The following TLCD3A variants were observed in gnomAD, a reference collection of about 807,000 sequenced individuals.
TLCD3A encodes the protein TLC domain-containing protein 3A.
Under a neutral mutation model 29.9 loss-of-function variants are expected in TLCD3A, and 17 were observed. The ratio of observed to expected loss-of-function variants is 0.57; its 90% CI spans 0.39 to 0.85. The LOEUF (loss-of-function observed/expected upper bound fraction) is 0.85, where lower values mean the gene tolerates loss of function less well. Among genes scored for constraint, TLCD3A ranks in the 40% least tolerant of loss-of-function variants. The pLI is 0.00. For synonymous variants in TLCD3A, 143 were observed against 147.7 expected (o/e 0.97, Z 0.23); for missense variants, 332 against 350.8 (o/e 0.95, Z 0.43).
chr17:741,490 C>A lies in TLCD3A; in HGVS notation c.694C>A (p.Pro232Thr). ...CGTGGCCAATGCCTTCCTCGTAGCT[C>A]CTCAGATCTACTGGTTCTGTCTGCT... ...CNVANAFLVA[P>T]QIYWFCLLCR... Residue 232 changes from proline to threonine, a missense_variant, in exon 5 of 5, where the codon CCT (proline) becomes ACT (threonine). Physicochemically the swap from Pro to Thr is conservative, Grantham distance 38. Transcript: ENST00000308278. The A allele has an allele frequency of 6.2e-7, 1 of 1,614,160 alleles. No individual in the cohort carries two copies. The highest frequency in any genetic ancestry group is 1.3e-5 in the African/African-American group (1 of 75,028).
rs567279293 is a variant in TLCD3A, at chr17:733,683, A to T, written c.206+502A>T. On this transcript the variant is annotated intron_variant, in intron 2 of 4. Transcript: ENST00000308278. Reference sequence around the variant, plus strand: ...CGGACTTGTACGTCTATCAGAGGTCAGTCCAGAGGCAGGTCAGGAAATGTG... The same window carrying T: ...CGGACTTGTACGTCTATCAGAGGTCTGTCCAGAGGCAGGTCAGGAAATGTG... Among the ~76,000 whole-genome samples the T allele has an allele frequency of 1.8e-4, 28 of 152,360 alleles. No individual in the cohort carries two copies. The South Asian group carries it at 5.8e-3, about 32-fold the overall frequency.
intron 3 of TLCD3A, among the ~76,000 whole-genome samples, chr17:740,276 C>G (rs1974227504): frequency 6.6e-6 from 1 of 152,146 alleles, no homozygotes; most frequent in African/African-American, 2.4e-5. Flanking sequence ...CATCAAAATT[C>G]AGAGCTTGGT....
Position 732,705 on chromosome 17 carries a change from A to C in TLCD3A, c.58A>C (p.Thr20Pro). The C allele has an allele frequency of 7.0e-7, 1 of 1,437,018 alleles. No homozygotes were observed. Among genetic ancestry groups the C allele is most frequent in the Non-Finnish European group, 9.1e-7 (1 of 1,095,674 alleles). The allele number at this position is 1,437,018 out of a possible 1,614,324, so 89.0% of individuals were successfully genotyped here. ...LFFPGLFALC[T>P]WALRRSQPGW... Reference sequence around the variant, plus strand: ...CTTCCCGGGGCTCTTCGCGCTCTGCACCTGGGCGCTGCGCCGCTCCCAGCC... The same window carrying C: ...CTTCCCGGGGCTCTTCGCGCTCTGCCCCTGGGCGCTGCGCCGCTCCCAGCC... Residue 20 changes from threonine (T) to proline (P), a missense_variant, in exon 1 of 5, where the codon ACC becomes CCC. Coordinates refer to ENST00000308278, the MANE Select transcript of TLCD3A (RefSeq NM_024792.3).
rs138018963 is a variant in TLCD3A at position 733,136 on chromosome 17, C to T, written c.161C>T (p.Ser54Leu). Residue 54 changes from serine (S) to leucine (L), a missense_variant, in exon 2 of 5, where the codon TCG (serine) becomes TTG (leucine). Ser to Leu is a moderately radical substitution (Grantham distance 145, BLOSUM62 -2). Coordinates refer to ENST00000308278, the MANE Select transcript of TLCD3A (RefSeq NM_024792.3). ...GTGCACGCCGTGCTGGCCACCGGCT[C>T]GGGGATCGTCATCATTCGCTCCTGC... ...SSVHAVLATG[S>L]GIVIIRSCDD... 5 of 1,588,926 alleles carry T rather than the reference C, an allele frequency of 3.1e-6. No individual in the cohort carries two copies. Among genetic ancestry groups the T allele is most frequent in the Non-Finnish European group, 3.4e-6 (4 of 1,169,266 alleles).
chr17:733,527 C>T (rs1328277931), intron 2 of TLCD3A, among the ~76,000 whole-genome samples: 3 of 152,176 alleles, frequency 2.0e-5, no homozygotes, highest in Non-Finnish European at 4.4e-5. Flanking sequence ...GGCTAACAGA[C>T]GTCCAGTGTG....
intron 3 of TLCD3A, among the ~76,000 whole-genome samples, chr17:739,144 C>G (rs1974209267): frequency 6.6e-6 from 1 of 151,674 alleles, no homozygotes; most frequent in Non-Finnish European, 1.5e-5. Flanking sequence ...ATTCCTCACT[C>G]TTGAGTGCCT....
rs1484422141 is a variant in TLCD3A, at chr17:732,968, G to T, written c.123-130G>T. The T allele has an allele frequency of 1.4e-6, 2 of 1,398,292 alleles. 1 individual carries two copies. Among genetic ancestry groups the T allele is most frequent in the Admixed American group, 4.4e-5 (2 of 45,862 alleles). 86.6% of individuals were successfully genotyped at this position (1,398,292 alleles called of 1,614,324 possible). A position where few individuals can be genotyped will look rare whatever the true frequency, so the allele number is the denominator to read the frequency against. ...GGGGCCGGGGCGGGCGGGAATGGCC[G>T]ATGAGCCTCCGGAGCCCGCTCCCCA... is the stretch of plus-strand genomic sequence containing the variant. On this transcript the variant is annotated intron_variant, in intron 1 of 4. Transcript: ENST00000308278.
In TLCD3A at chr17:737,956, C is replaced by G; in HGVS notation, c.317C>G (p.Pro106Arg). 1 of 1,614,076 alleles carries G rather than the reference C, an allele frequency of 6.2e-7. No homozygotes were observed. Among genetic ancestry groups the G allele is most frequent in the Middle Eastern group, 1.6e-4 (1 of 6,062 alleles). ...WCRTRDQNRA[P>R]SLTLRNFLSR... ...CGAACCAGAGACCAGAACCGTGCGC[C>G]CTCCCTCACTCTTCGAAACTTCCTA... Residue 106 changes from proline to arginine, a missense_variant, in exon 3 of 5, where the codon CCC (proline) becomes CGC (arginine). By Grantham distance (103) the Pro-to-Arg change is moderately radical. Coordinates refer to ENST00000308278, the MANE Select transcript of TLCD3A (RefSeq NM_024792.3).
Position 732,687 on chromosome 17 carries a change from G to A in TLCD3A, c.40G>A (p.Gly14Arg), listed in dbSNP as rs766066419. 3.0e-5 allele frequency: 43 copies of A among 1,423,018 alleles called. No individual in the cohort carries two copies. In the Middle Eastern group the frequency reaches 7.5e-4, roughly 25 times the overall value. 88.1% of individuals were successfully genotyped at this position (1,423,018 alleles called of 1,614,324 possible). Residue 14 changes from glycine to arginine, a missense_variant, in exon 1 of 5, where the codon GGG becomes AGG. Gly to Arg is a moderately radical substitution (Grantham distance 125). Transcript: ENST00000308278. ...TLAGGALFFP[G>R]LFALCTWALR... is the part of the protein sequence containing the mutation. Reference sequence around the variant, plus strand: ...GGCCGGGGGCGCGCTCTTCTTCCCGGGGCTCTTCGCGCTCTGCACCTGGGC... The same window carrying A: ...GGCCGGGGGCGCGCTCTTCTTCCCGAGGCTCTTCGCGCTCTGCACCTGGGC...
At chr17:739,409 A>G (rs979674636) in intron 3 of TLCD3A, among the ~76,000 whole-genome samples, 1 of 152,098 alleles carries the variant, frequency 6.6e-6, no homozygotes, top group Non-Finnish European at 1.5e-5. Flanking sequence ...GGCTGATTTC[A>G]AACTCCTGAC....
intron 3 of TLCD3A, among the ~76,000 whole-genome samples, chr17:739,628 G>A (rs551818285): frequency 3.9e-5 from 6 of 152,336 alleles, no homozygotes; most frequent in African/African-American, 7.2e-5. Flanking sequence ...GTGAGCCACC[G>A]CGCCCTGCCA....
Position 738,095 on chromosome 17 carries a change from T to TTTG in TLCD3A, c.408+48_408+49insTTG, listed in dbSNP as rs373091103. ...ACCAGCAGCTGGGTTGAGCTGGGTG[T>TTTG]CTTTTTTTTTTTTTTTTTCTGAGAC... On this transcript the variant is annotated intron_variant, in intron 3 of 4. Coordinates refer to ENST00000308278, the MANE Select transcript of TLCD3A (RefSeq NM_024792.3). 4.0e-4 allele frequency: 452 copies of TTTG among 1,130,614 alleles called. 16 individuals carry two copies. Among genetic ancestry groups the TTTG allele is most frequent in the Middle Eastern group, 1.6e-3 (5 of 3,126 alleles). The allele number at this position is 1,130,614 out of a possible 1,614,324, so 70.0% of individuals were successfully genotyped here.
At position 742,390 on chromosome 17, in the gene TLCD3A, G is replaced by A. The variant is rs1266798536; in HGVS notation, c.*820G>A. The A allele has an allele frequency of 6.6e-6, 1 of 152,236 alleles. No individual in the cohort carries two copies. Among genetic ancestry groups the A allele is most frequent in the African/African-American group, 2.4e-5 (1 of 41,462 alleles). The allele number at this position is 152,236 out of a possible 1,614,324, so 9.4% of individuals were successfully genotyped here. The stretch of plus-strand genomic sequence containing the variant: ...CAGAGGGCGAGCTCATAAAACTACA[G>A]GGAAGCGTGAAATGATGGCTTTGGT... On this transcript the variant is annotated 3_prime_UTR_variant, in exon 5 of 5. Coordinates refer to ENST00000308278, the MANE Select transcript of TLCD3A (RefSeq NM_024792.3).
chr17:735,931 C>T (rs570064008), intron 2 of TLCD3A, among the ~76,000 whole-genome samples: 13 of 149,094 alleles, frequency 8.7e-5, no homozygotes, highest in African/African-American at 1.5e-4. Flanking sequence ...GCTGAGATCG[C>T]GCCACTACAT....
chr17:735,443 C>T (rs558279933), intron 2 of TLCD3A, among the ~76,000 whole-genome samples: 1 of 152,308 alleles, frequency 6.6e-6, no homozygotes, highest in South Asian at 2.1e-4. Flanking sequence ...ATCCAGATCT[C>T]TTGCTAATAA....
intron 3 of TLCD3A, among the ~76,000 whole-genome samples, chr17:738,574 C>T (rs1312270730): frequency 6.6e-6 from 1 of 152,134 alleles, no homozygotes; most frequent in Non-Finnish European, 1.5e-5. Context: ...TCAACATCAA[C>T]ATACTTTTTC....
intron 2 of TLCD3A, 115 bp downstream of exon 2, chr17:733,296 A>C (rs1470265929): frequency 3.0e-6 from 3 of 986,046 alleles, no homozygotes; most frequent in African/African-American, 1.7e-5. Context: ...CTGGCACCAC[A>C]ATGGGCTCCT....
intron 2 of TLCD3A, among the ~76,000 whole-genome samples, chr17:734,894 G>A (rs904701962): frequency 2.6e-5 from 4 of 151,482 alleles, no homozygotes; most frequent in Non-Finnish European, 4.4e-5. Context: ...TGTCACCCAC[G>A]CTGGTCTGAA....
Position 736,868 on chromosome 17 carries a change from C to T in TLCD3A, c.207-978C>T, listed in dbSNP as rs140550647. 2.3e-3 allele frequency among the ~76,000 whole-genome samples: 342 copies of T among 151,910 alleles called. 1 individual carries two copies. Among genetic ancestry groups the T allele is most frequent in the African/African-American group, 8.0e-3 (331 of 41,418 alleles). The stretch of plus-strand genomic sequence containing the variant: ...ACGGGGTTTCACAATGTTGATAAGG[C>T]GAGTATCGAACTGCTGACCTTGTGA... On this transcript the variant is annotated intron_variant, in intron 2 of 4. Coordinates refer to ENST00000308278, the MANE Select transcript of TLCD3A (RefSeq NM_024792.3).
Sources: allele counts gnomAD v4.1 joint callset (sites outside exome capture counted in the v4.1 genomes callset), GRCh38; gene constraint gnomAD v4.1.1; transcripts MANE v1.5; gene names NCBI Gene and HGNC (gene_info 2026-07-23, HGNC 2026-07-21).